The following SYNPR variants were observed in gnomAD, a reference collection of about 807,000 sequenced individuals.
SYNPR encodes the protein synaptoporin.
In SYNPR, 23 loss-of-function variants were observed where a neutral mutation model predicts 32.9. The ratio of observed to expected loss-of-function variants is 0.70; its 90% CI spans 0.50 to 0.99. The LOEUF is 0.99. SYNPR is among the 50% of genes least tolerant of loss of function. The probability of loss-of-function intolerance (pLI) is 0.00; values close to 1 mark genes in which losing one functional copy is unlikely to be tolerated. For synonymous variants in SYNPR, 146 were observed against 135.9 expected, an observed-to-expected ratio of 1.07 and a Z score of -0.52; for missense variants, 318 against 349.3, an observed-to-expected ratio of 0.91 and a Z score of 0.71.
At chr3:63,396,165 C>A (rs17068466) in intron 2 of SYNPR, among the ~76,000 whole-genome samples, 2 of 152,122 alleles carry the variant, frequency 1.3e-5, no homozygotes, top group East Asian at 1.9e-4. Context: ...GTATGATATC[C>A]GCTCCACAAT....
At chr3:63,496,588 T>C (rs1701378043) in intron 3 of SYNPR, among the ~76,000 whole-genome samples, 1 of 152,186 alleles carries the variant, frequency 6.6e-6, no homozygotes. Context: ...CAAAAGACAA[T>C]TTATATGCCT....
chr3:63,595,427 G>T (rs142904168), intron 4 of SYNPR, among the ~76,000 whole-genome samples: 2 of 151,850 alleles, frequency 1.3e-5, no homozygotes, highest in Non-Finnish European at 2.9e-5. Context: ...CAATGGATTT[G>T]TCATTAAAGA....
intron 2 of SYNPR, among the ~76,000 whole-genome samples, chr3:63,301,111 C>T (rs1392039242): frequency 6.6e-6 from 1 of 152,080 alleles, no homozygotes; most frequent in African/African-American, 2.4e-5. Flanking sequence ...TCTTACATCT[C>T]TTTCTGAGCT....
At chr3:63,355,626 G>T (rs1314488467) in intron 2 of SYNPR, among the ~76,000 whole-genome samples, 1 of 152,056 alleles carries the variant, frequency 6.6e-6, no homozygotes, top group Non-Finnish European at 1.5e-5. Flanking sequence ...TATAACTTCT[G>T]ATGCACCGGT....
intron 2 of SYNPR, among the ~76,000 whole-genome samples, chr3:63,313,092 A>G (rs894704908): frequency 6.6e-6 from 1 of 152,010 alleles, no homozygotes; most frequent in Non-Finnish European, 1.5e-5. Flanking sequence ...TCACTCATCT[A>G]ATAATACATT....
At chr3:63,258,387 C>A (rs1038757211) in intron 2 of SYNPR, among the ~76,000 whole-genome samples, 2 of 152,272 alleles carry the variant, frequency 1.3e-5, no homozygotes, top group East Asian at 1.9e-4. Context: ...GACCACAGTG[C>A]GATCAAACTA....
intron 3 of SYNPR, among the ~76,000 whole-genome samples, chr3:63,270,583 G>A (rs2086526153): frequency 6.6e-6 from 1 of 152,074 alleles, no homozygotes; most frequent in Non-Finnish European, 1.5e-5. Flanking sequence ...TTTATACTTT[G>A]TACAGTTAGA....
chr3:63,218,639 C>T, the SYNPR span, among the ~76,000 whole-genome samples: 1 of 152,186 alleles, frequency 6.6e-6, no homozygotes, highest in Non-Finnish European at 1.5e-5. Flanking sequence ...GCTTCTGTCT[C>T]CTGACTTCGT....
At chr3:63,290,718 T>C (rs2086730025) in intron 2 of SYNPR, among the ~76,000 whole-genome samples, 1 of 152,228 alleles carries the variant, frequency 6.6e-6, no homozygotes, top group Admixed American at 6.5e-5. Context: ...TCCAAATTCC[T>C]AAGTCAGGCA....
intron 2 of SYNPR, among the ~76,000 whole-genome samples, chr3:63,462,698 T>A (rs970079061): frequency 3.9e-5 from 6 of 152,210 alleles, no homozygotes; most frequent in Non-Finnish European, 8.8e-5. Flanking sequence ...CTCTTTGGAA[T>A]GATGATATCC....
At position 63,568,168 on chromosome 3, in the gene SYNPR, A is replaced by G. The variant is rs146313247; in HGVS notation, c.408+11427A>G. On this transcript the variant is annotated intron_variant, in intron 4 of 5. Coordinates refer to ENST00000478300, the MANE Select transcript of SYNPR (RefSeq NM_001130003.2). Reference sequence around the variant, plus strand: ...CTGCCACTTACTCCACAGGCCAAGAATTAAATAAAATAGAAGTTATATTGG... The same window carrying G: ...CTGCCACTTACTCCACAGGCCAAGAGTTAAATAAAATAGAAGTTATATTGG... Among the ~76,000 whole-genome samples the G allele has an allele frequency of 3.7e-4, 56 of 152,358 alleles. No individual in the cohort carries two copies. In the East Asian group the frequency reaches 9.3e-3, roughly 25 times the overall value.
intron 2 of SYNPR, among the ~76,000 whole-genome samples, chr3:63,308,221 T>C (rs1456671565): frequency 1.3e-5 from 2 of 152,054 alleles, no homozygotes; most frequent in South Asian, 2.1e-4. Context: ...GGGTGGTCTA[T>C]AAGATATTCT....
chr3:63,420,597 GT>G (rs1699774083), intron 2 of SYNPR, among the ~76,000 whole-genome samples: 1 of 152,024 alleles, frequency 6.6e-6, no homozygotes, highest in Non-Finnish European at 1.5e-5. Context: ...TGAAACTATA[GT>G]TTTAAAAATG....
At chr3:63,504,163 T>A (rs1701540410) in intron 3 of SYNPR, among the ~76,000 whole-genome samples, 1 of 152,150 alleles carries the variant, frequency 6.6e-6, no homozygotes, top group Non-Finnish European at 1.5e-5. Context: ...ATGTTTTAAA[T>A]TATCATATAC....
chr3:63,265,241 C>CT lies in SYNPR; in HGVS notation n.155-2050dup, dbSNP rs71126590. Among the ~76,000 whole-genome samples the CT allele has an allele frequency of 3.1e-3, 321 of 102,150 alleles. 36 individuals carry two copies. The highest frequency in any genetic ancestry group is 0.015 in the East Asian group (37 of 2,490). The allele number at this position is 102,150 out of a possible 152,430, so 67.0% of individuals were successfully genotyped here. A position where few individuals can be genotyped will look rare whatever the true frequency, so the allele number is the denominator to read the frequency against. On this transcript the variant is annotated intron_variant and non_coding_transcript_variant, in intron 2 of 4. Coordinates refer to the SYNPR transcript ENST00000478456. ...TGGCAATTTGGTTTCTAATGACATT[C>CT]TTTTTTTTTTTTTTTTTTTTTTTTT...
At chr3:63,608,116 T>A (rs1237543964) in intron 4 of SYNPR, among the ~76,000 whole-genome samples, 2 of 152,186 alleles carry the variant, frequency 1.3e-5, no homozygotes, top group African/African-American at 2.4e-5. Flanking sequence ...TGAATTTTTT[T>A]AATACTATGT....
intron 2 of SYNPR, among the ~76,000 whole-genome samples, chr3:63,257,573 A>G (rs1374334097): frequency 1.3e-5 from 2 of 152,214 alleles, no homozygotes; most frequent in Non-Finnish European, 2.9e-5. Context: ...AGGAAGCACT[A>G]AACATGGAAA....
At chr3:63,575,192 T>A (rs1315151614) in intron 4 of SYNPR, among the ~76,000 whole-genome samples, 1 of 152,200 alleles carries the variant, frequency 6.6e-6, no homozygotes, top group Non-Finnish European at 1.5e-5. Flanking sequence ...AAGTTGACAT[T>A]GCGTGTTACA....
intron 2 of SYNPR, among the ~76,000 whole-genome samples, chr3:63,386,165 C>T (rs2088041459): frequency 6.6e-6 from 1 of 152,130 alleles, no homozygotes; most frequent in South Asian, 2.1e-4. Flanking sequence ...AGCATCACAC[C>T]CTCCTCACAA....
Sources: gnomAD v4.1 joint callset for allele counts (sites outside exome capture counted in the v4.1 genomes callset) on GRCh38, gnomAD v4.1.1 for gene constraint, MANE v1.5 for transcripts, NCBI Gene and HGNC (gene_info 2026-07-23, HGNC 2026-07-21) for gene names.